The following ATRNL1 variants were observed in gnomAD, a reference collection of about 807,000 sequenced individuals.
ATRNL1 encodes attractin-like protein 1.
In ATRNL1, 95 loss-of-function variants were observed where a neutral mutation model predicts 182.7. That is an observed-to-expected ratio of 0.52 (90% CI 0.44 to 0.62). ATRNL1 has a LOEUF of 0.62. Among genes scored for constraint, ATRNL1 ranks in the 20% least tolerant of loss-of-function variants. The probability of loss-of-function intolerance (pLI) is 0.00; values close to 1 mark genes in which losing one functional copy is unlikely to be tolerated. For missense variants in ATRNL1, 1,471 were observed against 1,679.5 expected, an observed-to-expected ratio of 0.88 and a Z score of 2.17; for synonymous variants, 576 against 568.3, an observed-to-expected ratio of 1.01 and a Z score of -0.19.
At chr10:115,469,025 G>T in intron 23 of ATRNL1, 147 bp from the exon 24 acceptor site, 1 of 326,566 alleles carries the variant, frequency 3.1e-6, no homozygotes, top group Non-Finnish European at 5.5e-6. Context: ...TATATTTATG[G>T]CAAACTTATT....
intron 26 of ATRNL1, among the ~76,000 whole-genome samples, chr10:115,669,574 A>G (rs1439156658): frequency 6.6e-6 from 1 of 152,102 alleles, no homozygotes; most frequent in East Asian, 1.9e-4. Context: ...TTTCTTGTGA[A>G]CTACAGTGAC....
At chr10:115,420,039 A>ATTT (rs34280609) in intron 20 of ATRNL1, among the ~76,000 whole-genome samples, 89 of 127,860 alleles carry the variant, frequency 7.0e-4, no homozygotes, top group Middle Eastern at 4.4e-3. Context: ...TGTCTTAACA[A>ATTT]TTTTTTTTTT....
intron 1 of ATRNL1, among the ~76,000 whole-genome samples, chr10:115,098,646 A>G (rs1041489112): frequency 6.6e-6 from 1 of 151,080 alleles, no homozygotes; most frequent in Non-Finnish European, 1.5e-5. Context: ...TTTAGTAGAG[A>G]CGGGGTATCA....
intron 26 of ATRNL1, among the ~76,000 whole-genome samples, chr10:115,595,519 TA>T (rs1856185808): frequency 6.6e-6 from 1 of 152,178 alleles, no homozygotes; most frequent in Non-Finnish European, 1.5e-5. Context: ...ATTAAGGCAG[TA>T]GTTAAGAGCT....
At chr10:115,272,230 T>C (rs1387566254) in intron 13 of ATRNL1, among the ~76,000 whole-genome samples, 1 of 152,198 alleles carries the variant, frequency 6.6e-6, no homozygotes, top group Admixed American at 6.5e-5. Flanking sequence ...TTTATAGCAT[T>C]GCAAGAATGG....
chr10:115,281,557 T>A (rs761317601), intron 14 of ATRNL1, 70 bp downstream of exon 14: 1 of 1,436,238 alleles, frequency 7.0e-7, no homozygotes, highest in Non-Finnish European at 9.6e-7. Flanking sequence ...AAAGTACATT[T>A]AGTAAGGACA....
chr10:115,887,302 ACAAAAT>A (rs1951970313), intron 28 of ATRNL1, among the ~76,000 whole-genome samples: 1 of 152,158 alleles, frequency 6.6e-6, no homozygotes, highest in African/African-American at 2.4e-5. Context: ...ACAAAATATT[ACAAAAT>A]ATCATAAACT....
At chr10:115,500,275 C>A (rs1554979759) in intron 24 of ATRNL1, among the ~76,000 whole-genome samples, 1 of 151,906 alleles carries the variant, frequency 6.6e-6, no homozygotes, top group Non-Finnish European at 1.5e-5. Context: ...TTCAGTGACT[C>A]CAAATTAGGA....
chr10:115,114,135 G>A (rs1032628798), intron 1 of ATRNL1, among the ~76,000 whole-genome samples: 2 of 152,012 alleles, frequency 1.3e-5, no homozygotes, highest in African/African-American at 2.4e-5. Flanking sequence ...ACAGAGGCTC[G>A]AGGAATACAC....
At chr10:115,176,099 A>G (rs1554886628) in intron 8 of ATRNL1, among the ~76,000 whole-genome samples, 1 of 152,134 alleles carries the variant, frequency 6.6e-6, no homozygotes, top group Admixed American at 6.6e-5. Context: ...TTGGCTGCAT[A>G]AATGTCTTCT....
At chr10:115,757,682 T>A (rs1330081867) in intron 27 of ATRNL1, among the ~76,000 whole-genome samples, 1 of 152,146 alleles carries the variant, frequency 6.6e-6, no homozygotes, top group East Asian at 1.9e-4. Flanking sequence ...GTTCTCTGTA[T>A]TTCCAGAATT....
At chr10:115,168,087 T>C (rs116442575) in intron 7 of ATRNL1, among the ~76,000 whole-genome samples, 2,833 of 152,276 alleles carry the variant, frequency 0.019, 104 homozygotes, top group African/African-American at 0.065. Context: ...TCATATACTA[T>C]GTATGTTATG....
At chr10:115,480,531 A>T (rs1400529087) in intron 24 of ATRNL1, among the ~76,000 whole-genome samples, 1 of 151,176 alleles carries the variant, frequency 6.6e-6, no homozygotes, top group Non-Finnish European at 1.5e-5. Flanking sequence ...GTAGTATTAG[A>T]AATTGTTAAT....
chr10:115,275,839 T>A (rs1323053031), intron 13 of ATRNL1, among the ~76,000 whole-genome samples: 1 of 152,124 alleles, frequency 6.6e-6, no homozygotes, highest in Non-Finnish European at 1.5e-5. Context: ...CCATTAAATG[T>A]CTTCTATATT....
chr10:115,239,029 A>G (rs1850300446), intron 9 of ATRNL1, among the ~76,000 whole-genome samples: 1 of 152,096 alleles, frequency 6.6e-6, no homozygotes, highest in Non-Finnish European at 1.5e-5. Flanking sequence ...GATTGAATCA[A>G]TTGACTTTGA....
chr10:115,440,627 C>G (rs931103506), intron 21 of ATRNL1, among the ~76,000 whole-genome samples: 1 of 151,418 alleles, frequency 6.6e-6, no homozygotes, highest in African/African-American at 2.4e-5. Flanking sequence ...AGGTTTTATG[C>G]CATTATAGTT....
intron 26 of ATRNL1, among the ~76,000 whole-genome samples, chr10:115,602,866 A>AAAC (rs1186465709): frequency 3.3e-5 from 5 of 152,058 alleles, no homozygotes; most frequent in Non-Finnish European, 7.4e-5. Context: ...AAAAAAAAAA[A>AAAC]ACATTGCAAT....
intron 27 of ATRNL1, among the ~76,000 whole-genome samples, chr10:115,807,957 A>T (rs1465405558): frequency 1.3e-5 from 2 of 152,204 alleles, no homozygotes; most frequent in Non-Finnish European, 2.9e-5. Context: ...TCTTACAATT[A>T]CAGCCTCCCT....
intron 27 of ATRNL1, among the ~76,000 whole-genome samples, chr10:115,746,621 T>G (rs1948299642): frequency 6.6e-6 from 1 of 152,074 alleles, no homozygotes; most frequent in Non-Finnish European, 1.5e-5. Context: ...ACACATTGAC[T>G]ATAATCCTAG....
Sources: gnomAD v4.1 joint callset for allele counts (sites outside exome capture counted in the v4.1 genomes callset) on GRCh38, gnomAD v4.1.1 for gene constraint, MANE v1.5 for transcripts, NCBI Gene and HGNC (gene_info 2026-07-23, HGNC 2026-07-21) for gene names.